Variants in KANK1 observed in about 807,000 individuals in gnomAD.
KANK1 encodes the protein KN motif and ankyrin repeat domain-containing protein 1.
KANK1 carries 109 observed loss-of-function variants against 106.2 expected under a neutral mutation model. The observed-to-expected ratio is 1.03, with a 90% CI of 0.88 to 1.20. The LOEUF (loss-of-function observed/expected upper bound fraction) is 1.20, where lower values mean the gene tolerates loss of function less well. Ranked by LOEUF, KANK1 falls within the 50% of genes most tolerant of loss-of-function variation. The pLI is 0.00. For missense variants in KANK1, 2,399 were observed against 1,710.7 expected (o/e 1.40, Z -7.10); for synonymous variants, 873 against 652.2 (o/e 1.34, Z -5.16).
chr9:721,988 C>T (rs1028283526), intron 3 of KANK1, among the ~76,000 whole-genome samples: 1 of 152,158 alleles, frequency 6.6e-6, no homozygotes, highest in Non-Finnish European at 1.5e-5. Flanking sequence ...TGAGGTGTAC[C>T]GAAACCCAAG....
intron 1 of KANK1, among the ~76,000 whole-genome samples, chr9:629,566 A>T (rs927293378): frequency 6.6e-6 from 1 of 152,220 alleles, no homozygotes; most frequent in Non-Finnish European, 1.5e-5. Context: ...GGCCCATCAC[A>T]TATAAATAAA....
At chr9:736,395 G>C (rs192273294) in intron 7 of KANK1, among the ~76,000 whole-genome samples, 67 of 152,280 alleles carry the variant, frequency 4.4e-4, no homozygotes, top group African/African-American at 1.4e-3. Flanking sequence ...CAGAGGGCCA[G>C]CTGTACTAAA....
chr9:602,411 C>A lies in KANK1; in HGVS notation c.-83-74479C>A, dbSNP rs540610251. Among the ~76,000 whole-genome samples, 674 of 151,680 alleles carry A rather than the reference C, an allele frequency of 4.4e-3. 7 individuals are homozygous for A. The highest frequency in any genetic ancestry group is 0.017 in the Middle Eastern group (5 of 294). On this transcript the variant is annotated intron_variant, in intron 1 of 11. Transcript: ENST00000382297. ...AGTAGCTGGGACTACAGGCATGCAC[C>A]ACCATGCCCAGCTAATTTTTGTATT...
At chr9:724,054 T>A (rs1830050950) in intron 3 of KANK1, among the ~76,000 whole-genome samples, 1 of 149,326 alleles carries the variant, frequency 6.7e-6, no homozygotes, top group Non-Finnish European at 1.5e-5. Context: ...TGAGCAGAGA[T>A]CACGCCACTG....
At chr9:593,921 C>T (rs1183194536) in intron 1 of KANK1, among the ~76,000 whole-genome samples, 1 of 151,878 alleles carries the variant, frequency 6.6e-6, no homozygotes, top group Non-Finnish European at 1.5e-5. Flanking sequence ...TGCTTCCCTC[C>T]CCCAGCCATG....
At chr9:694,193 G>C (rs1410973910) in intron 2 of KANK1, among the ~76,000 whole-genome samples, 1 of 152,066 alleles carries the variant, frequency 6.6e-6, no homozygotes, top group Non-Finnish European at 1.5e-5. Flanking sequence ...TAAGGACAGG[G>C]ATTCATACAA....
chr9:585,260 T>C (rs778994260), intron 1 of KANK1, among the ~76,000 whole-genome samples: 6 of 152,220 alleles, frequency 3.9e-5, no homozygotes, highest in Non-Finnish European at 7.3e-5. Flanking sequence ...CTTTGCCCGC[T>C]GTGCATCATC....
intron 1 of KANK1, among the ~76,000 whole-genome samples, chr9:561,212 G>T (rs1368832744): frequency 2.0e-5 from 3 of 152,130 alleles, no homozygotes; most frequent in Admixed American, 6.5e-5. Flanking sequence ...TTTATGGGTA[G>T]ACATAAGAAG....
chr9:739,350 C>G (rs1184455027), intron 8 of KANK1, among the ~76,000 whole-genome samples: 1 of 152,212 alleles, frequency 6.6e-6, no homozygotes, highest in South Asian at 2.1e-4. Context: ...TGCAATCATA[C>G]TGTCCAATTT....
At chr9:479,877 C>T (rs2058172685) in intron 3 of KANK1, among the ~76,000 whole-genome samples, 1 of 152,110 alleles carries the variant, frequency 6.6e-6, no homozygotes, top group South Asian at 2.1e-4. Context: ...TAACTGAGCC[C>T]CCCCAGTAAG....
At position 744,571 on chromosome 9, in the gene KANK1, T is replaced by G. The variant is rs544054881; in HGVS notation, c.3978T>G (p.Phe1326Leu). Residue 1326 changes from phenylalanine to leucine, a missense_variant, in exon 11 of 12, where the codon TTT (phenylalanine) becomes TTG (leucine). Physicochemically the swap from Phe to Leu is conservative, Grantham distance 22. Transcript: ENST00000382297. ...IAVLLYAHVN[F>L]AKAQSPGTPR... is the part of the protein sequence containing the mutation. Reference sequence around the variant, plus strand: ...TTCTTCTGTATGCCCATGTCAACTTTGCAAAAGCCCAGTCTCCGGTCAGTG... The same window carrying G: ...TTCTTCTGTATGCCCATGTCAACTTGGCAAAAGCCCAGTCTCCGGTCAGTG... 9.9e-6 allele frequency: 16 copies of G among 1,614,186 alleles called. No individual in the cohort carries two copies. In the South Asian group the frequency reaches 1.6e-4, roughly 17 times the overall value.
intron 1 of KANK1, among the ~76,000 whole-genome samples, chr9:560,471 G>A (rs1816099393): frequency 6.6e-6 from 1 of 152,190 alleles, no homozygotes; most frequent in Non-Finnish European, 1.5e-5. Context: ...AGGGTTGAGG[G>A]TACAGGAATT....
At chr9:651,227 C>T (rs539192292) in intron 1 of KANK1, among the ~76,000 whole-genome samples, 1 of 152,232 alleles carries the variant, frequency 6.6e-6, no homozygotes, top group East Asian at 1.9e-4. Flanking sequence ...TGTAAGAGCA[C>T]CTCCAAAACA....
intron 1 of KANK1, among the ~76,000 whole-genome samples, chr9:634,583 C>T (rs975176837): frequency 3.9e-5 from 6 of 152,160 alleles, no homozygotes; most frequent in African/African-American, 1.4e-4. Flanking sequence ...TTATTCTAGT[C>T]TTGTGGCCTT....
intron 1 of KANK1, among the ~76,000 whole-genome samples, chr9:515,205 C>G (rs1259935324): frequency 1.3e-5 from 2 of 151,384 alleles, no homozygotes; most frequent in Non-Finnish European, 1.5e-5. Context: ...ATTAGCCAGG[C>G]GTGGTGGCGG....
chr9:524,663 G>A (rs1176854263), intron 1 of KANK1, among the ~76,000 whole-genome samples: 1 of 151,200 alleles, frequency 6.6e-6, no homozygotes, highest in African/African-American at 2.5e-5. Flanking sequence ...GATTACAGGT[G>A]TCCACTACGA....
chr9:563,300 CTT>C (rs1816969934), intron 1 of KANK1, among the ~76,000 whole-genome samples: 1 of 151,828 alleles, frequency 6.6e-6, no homozygotes, highest in South Asian at 2.1e-4. Context: ...AATACGGCAA[CTT>C]TGTCTATTTT....
At chr9:743,896 C>T (rs756417530) in intron 10 of KANK1, among the ~76,000 whole-genome samples, 5 of 152,162 alleles carry the variant, frequency 3.3e-5, no homozygotes, top group Non-Finnish European at 2.9e-5. Context: ...GTTGTTCTTT[C>T]CCTTGATACT....
intron 3 of KANK1, among the ~76,000 whole-genome samples, chr9:714,040 A>G (rs12684883): frequency 0.23 from 34,851 of 152,100 alleles, 4,213 homozygotes; most frequent in Admixed American, 0.3. Flanking sequence ...GAAATTTGAG[A>G]CCAGCCTGGG....
Sources: gnomAD v4.1 joint callset for allele counts (sites outside exome capture counted in the v4.1 genomes callset) on GRCh38, gnomAD v4.1.1 for gene constraint, MANE v1.5 for transcripts, NCBI Gene and HGNC (gene_info 2026-07-23, HGNC 2026-07-21) for gene names.